The following ENTREP2 variants were observed in gnomAD, a reference collection of about 807,000 sequenced individuals.
The protein encoded by ENTREP2 is endosomal transmembrane epsin interactor 2.
chr15:29,269,771 G>C, the ENTREP2 span: 263 of 1,380,794 alleles, frequency 1.9e-4, no homozygotes, highest in African/African-American at 3.6e-3. Flanking sequence ...ATTGCGGGTC[G>C]GCGACCCGCT....
At chr15:29,509,979 G>T in the ENTREP2 span, among the ~76,000 whole-genome samples, 1 of 152,064 alleles carries the variant, frequency 6.6e-6, no homozygotes, top group Non-Finnish European at 1.5e-5. Flanking sequence ...CTACAAAATG[G>T]AGGAAAATTT....
chr15:29,168,978 C>T, the ENTREP2 span, among the ~76,000 whole-genome samples: 3 of 152,150 alleles, frequency 2.0e-5, no homozygotes, highest in Non-Finnish European at 2.9e-5. Context: ...TGTAAATAAT[C>T]GTAGACTAAT....
the ENTREP2 span, among the ~76,000 whole-genome samples, chr15:29,392,350 C>G: frequency 8.8e-6 from 1 of 113,658 alleles, no homozygotes; most frequent in Non-Finnish European, 1.7e-5. Flanking sequence ...AAGTTATGAC[C>G]CCCCCCACCC....
the ENTREP2 span, among the ~76,000 whole-genome samples, chr15:29,308,849 A>T: frequency 6.6e-6 from 1 of 152,174 alleles, no homozygotes; most frequent in Non-Finnish European, 1.5e-5. Context: ...AAACATTGCC[A>T]TGTGAAAGAT....
chr15:29,232,383 C>G, the ENTREP2 span, among the ~76,000 whole-genome samples: 13 of 151,898 alleles, frequency 8.6e-5, no homozygotes, highest in Non-Finnish European at 1.9e-4. Flanking sequence ...TTCAGCCAAC[C>G]AAATATTATG....
chr15:29,153,797 A>G, the ENTREP2 span, among the ~76,000 whole-genome samples: 1 of 152,096 alleles, frequency 6.6e-6, no homozygotes, highest in Non-Finnish European at 1.5e-5. Context: ...CATAGTTTGC[A>G]TTTAAGTCTA....
the ENTREP2 span, among the ~76,000 whole-genome samples, chr15:29,338,791 AG>A: frequency 1.3e-5 from 2 of 152,204 alleles, no homozygotes; most frequent in African/African-American, 4.8e-5. Flanking sequence ...TTAATTGCAA[AG>A]TAAGGTTTTT....
At chr15:29,444,199 AAAGAAAGAAAG>A in the ENTREP2 span, among the ~76,000 whole-genome samples, 1 of 144,798 alleles carries the variant, frequency 6.9e-6, no homozygotes. Context: ...AGAAAGAAAG[AAAGAAAGAAAG>A]AAAGAAAGAA....
At chr15:29,285,442 C>T in the ENTREP2 span, among the ~76,000 whole-genome samples, 2 of 152,188 alleles carry the variant, frequency 1.3e-5, no homozygotes, top group African/African-American at 4.8e-5. Flanking sequence ...ATACTATATA[C>T]AGCCTTTCCC....
the ENTREP2 span, among the ~76,000 whole-genome samples, chr15:29,278,534 C>T: frequency 6.6e-6 from 1 of 152,194 alleles, no homozygotes; most frequent in African/African-American, 2.4e-5. Context: ...GCCTGGGCTC[C>T]AAGAGGCCCT....
chr15:29,618,667 T>A, the ENTREP2 span, among the ~76,000 whole-genome samples: 3 of 152,160 alleles, frequency 2.0e-5, no homozygotes, highest in African/African-American at 7.2e-5. Context: ...ATGATCAATA[T>A]CATTCTTCTC....
the ENTREP2 span, among the ~76,000 whole-genome samples, chr15:29,306,664 ATTTTTT>A: frequency 3.9e-5 from 3 of 77,270 alleles, no homozygotes; most frequent in Non-Finnish European, 5.8e-5. Flanking sequence ...ATAATTGGTA[ATTTTTT>A]TTTTTTTTTT....
At chr15:29,656,076 A>C in the ENTREP2 span, among the ~76,000 whole-genome samples, 1 of 151,932 alleles carries the variant, frequency 6.6e-6, no homozygotes, top group African/African-American at 2.4e-5. Context: ...AACACTTTTA[A>C]AGAGCAGAAA....
the ENTREP2 span, among the ~76,000 whole-genome samples, chr15:29,487,694 G>A: frequency 2.7e-4 from 41 of 152,280 alleles, 1 homozygote; most frequent in Middle Eastern, 0.01. Context: ...ATGTCCAGGC[G>A]TTTGTTCGTT....
At chr15:29,332,959 CA>C in the ENTREP2 span, among the ~76,000 whole-genome samples, 2,699 of 48,350 alleles carry the variant, frequency 0.056, 32 homozygotes, top group African/African-American at 0.12. Context: ...AACTCCATCT[CA>C]AAAAAAAAAA....
the ENTREP2 span, among the ~76,000 whole-genome samples, chr15:29,599,326 G>T: frequency 2.0e-5 from 3 of 152,334 alleles, no homozygotes; most frequent in African/African-American, 4.8e-5. Flanking sequence ...GATGGAGATA[G>T]ATTCAAATTG....
the ENTREP2 span, among the ~76,000 whole-genome samples, chr15:29,489,747 CG>C: frequency 6.6e-6 from 1 of 152,182 alleles, no homozygotes; most frequent in Non-Finnish European, 1.5e-5. Flanking sequence ...TAGGTGAACA[CG>C]CCCCTGCCTG....
the ENTREP2 span, among the ~76,000 whole-genome samples, chr15:29,575,891 A>G: frequency 6.6e-6 from 1 of 152,218 alleles, no homozygotes; most frequent in African/African-American, 2.4e-5. Context: ...TAGAAAGACA[A>G]TATTAAGATG....
At chr15:29,671,878 C>T in the ENTREP2 span, among the ~76,000 whole-genome samples, 1 of 152,184 alleles carries the variant, frequency 6.6e-6, no homozygotes, top group Admixed American at 6.5e-5. Context: ...CCCCAAGGAG[C>T]CCCCGTCTGC....
Sources: allele counts gnomAD v4.1 joint callset (sites outside exome capture counted in the v4.1 genomes callset), GRCh38; gene constraint gnomAD v4.1.1; transcripts MANE v1.5; gene names NCBI Gene and HGNC (gene_info 2026-07-23, HGNC 2026-07-21).